The following ARPP21 variants were observed in gnomAD, a reference collection of about 807,000 sequenced individuals.
ARPP21 encodes the protein cAMP regulated phosphoprotein 21, also known as cAMP-regulated phosphoprotein 21.
Under a neutral mutation model 113.2 loss-of-function variants are expected in ARPP21, and 69 were observed. That is an observed-to-expected ratio of 0.61 (90% CI 0.50 to 0.74). The LOEUF is 0.74. Among genes scored for constraint, ARPP21 ranks in the 30% least tolerant of loss-of-function variants. ARPP21 has a pLI of 0.00. For synonymous variants in ARPP21, 368 were observed against 375.5 expected, an observed-to-expected ratio of 0.98 and a Z score of 0.23; for missense variants, 1,070 against 1,037.4, an observed-to-expected ratio of 1.03 and a Z score of -0.43.
chr3:35,792,520 C>G lies in ARPP21; in HGVS notation c.2276C>G (p.Ser759Cys). The change falls in exon 20 of 21, where the codon TCT becomes TGT. Residue 759 changes from serine (S) to cysteine (C), a missense_variant. Ser to Cys is a moderately radical substitution (Grantham distance 112). Transcript: ENST00000684406. Reference protein sequence around the residue: ...QSVMVSYPTMSSYQVPMTQGS... With the variant: ...QSVMVSYPTMCSYQVPMTQGS... Reference sequence around the variant, plus strand: ...GTGATGGTTTCCTACCCAACAATGTCTTCTTATCAGGTGCTCATAAGCAGC... The same window carrying G: ...GTGATGGTTTCCTACCCAACAATGTGTTCTTATCAGGTGCTCATAAGCAGC... 1 of 1,614,024 alleles carries G rather than the reference C, an allele frequency of 6.2e-7. No homozygotes were observed. The highest frequency in any genetic ancestry group is 8.5e-7 in the Non-Finnish European group (1 of 1,179,910).
chr3:35,729,159 A>C, intron 14 of ARPP21, 144 bp from the exon 15 acceptor site: 1 of 593,208 alleles, frequency 1.7e-6, no homozygotes. Flanking sequence ...AAAATATGAG[A>C]GGGGCATTAG....
chr3:35,727,331 T>A (rs1315210340), intron 14 of ARPP21, among the ~76,000 whole-genome samples: 1 of 152,232 alleles, frequency 6.6e-6, no homozygotes, highest in Non-Finnish European at 1.5e-5. Flanking sequence ...TCTAGCTATA[T>A]CTAGCTGACC....
chr3:35,645,826 A>G (rs1371295291), intron 1 of ARPP21, among the ~76,000 whole-genome samples: 2 of 152,006 alleles, frequency 1.3e-5, no homozygotes, highest in South Asian at 2.1e-4. Flanking sequence ...CTAAGATACA[A>G]TACTCATTCA....
intron 19 of ARPP21, among the ~76,000 whole-genome samples, chr3:35,778,344 T>A (rs1041120321): frequency 6.6e-6 from 1 of 151,924 alleles, no homozygotes; most frequent in Admixed American, 6.6e-5. Flanking sequence ...TCCACCTGGG[T>A]TTTGCTAATG....
intron 19 of ARPP21, among the ~76,000 whole-genome samples, chr3:35,783,386 T>C (rs1434124355): frequency 6.6e-6 from 1 of 152,150 alleles, no homozygotes. Flanking sequence ...TTCCACTTCC[T>C]TACCCAAACT....
intron 19 of ARPP21, among the ~76,000 whole-genome samples, chr3:35,761,934 G>A (rs1229481381): frequency 2.0e-5 from 3 of 152,054 alleles, no homozygotes; most frequent in African/African-American, 7.2e-5. Context: ...ACACAGACTG[G>A]CATCATTCCA....
intron 11 of ARPP21, among the ~76,000 whole-genome samples, chr3:35,714,609 C>T (rs1299223456): frequency 1.3e-5 from 2 of 152,068 alleles, no homozygotes; most frequent in Admixed American, 1.3e-4. Flanking sequence ...TACAGTCACC[C>T]TATTATAGGA....
intron 9 of ARPP21, among the ~76,000 whole-genome samples, chr3:35,702,333 C>T (rs1229639918): frequency 6.6e-6 from 1 of 151,604 alleles, no homozygotes; most frequent in Non-Finnish European, 1.5e-5. Context: ...CACTATTTTG[C>T]TGTTGTGAAT....
At chr3:35,695,655 A>T (rs966887701) in intron 9 of ARPP21, among the ~76,000 whole-genome samples, 1 of 151,552 alleles carries the variant, frequency 6.6e-6, no homozygotes, top group African/African-American at 2.4e-5. Flanking sequence ...CATGGTTCAA[A>T]TAGGCATTTA....
intron 9 of ARPP21, among the ~76,000 whole-genome samples, chr3:35,693,360 C>G (rs2082823348): frequency 6.6e-6 from 1 of 151,680 alleles, no homozygotes; most frequent in African/African-American, 2.4e-5. Flanking sequence ...TCTATTCTAA[C>G]TACACTTCTG....
intron 19 of ARPP21, among the ~76,000 whole-genome samples, chr3:35,756,744 T>C (rs1443484346): frequency 2.0e-5 from 3 of 152,084 alleles, no homozygotes; most frequent in African/African-American, 7.2e-5. Flanking sequence ...TCCAGCACAA[T>C]TGCACCCTTT....
At chr3:35,684,077 A>G in intron 5 of ARPP21, 1 of 1,588,936 alleles carries the variant, frequency 6.3e-7, no homozygotes, top group Non-Finnish European at 8.6e-7. Flanking sequence ...TAAAAGTTAA[A>G]TAAAAAGTAG....
At chr3:35,786,730 G>A (rs1330839610) in intron 19 of ARPP21, among the ~76,000 whole-genome samples, 1 of 151,960 alleles carries the variant, frequency 6.6e-6, no homozygotes, top group African/African-American at 2.4e-5. Flanking sequence ...GGCTATAAAG[G>A]CCAGTAAAAT....
At chr3:35,758,829 A>G (rs2095661747) in intron 19 of ARPP21, among the ~76,000 whole-genome samples, 1 of 151,938 alleles carries the variant, frequency 6.6e-6, no homozygotes, top group African/African-American at 2.4e-5. Flanking sequence ...TATTTAAGTA[A>G]AGCAGAGAAA....
At chr3:35,716,183 G>C (rs1319494852) in intron 12 of ARPP21, among the ~76,000 whole-genome samples, 2 of 151,982 alleles carry the variant, frequency 1.3e-5, no homozygotes, top group African/African-American at 4.8e-5. Flanking sequence ...TTTAATTGCG[G>C]ATACTCAGGG....
intron 9 of ARPP21, among the ~76,000 whole-genome samples, chr3:35,693,261 G>A (rs1402881511): frequency 6.6e-6 from 1 of 151,484 alleles, no homozygotes; most frequent in Non-Finnish European, 1.5e-5. Flanking sequence ...AATAAAAAAG[G>A]CAAATGACTG....
intron 1 of ARPP21, among the ~76,000 whole-genome samples, chr3:35,659,711 A>G (rs1350176201): frequency 4.6e-5 from 7 of 152,174 alleles, no homozygotes. Flanking sequence ...GTTGAATCTC[A>G]TTTTGTTGGT....
intron 19 of ARPP21, among the ~76,000 whole-genome samples, chr3:35,760,854 TA>T (rs903940264): frequency 4.6e-5 from 7 of 151,892 alleles, no homozygotes; most frequent in Middle Eastern, 3.4e-3. Flanking sequence ...AATGGGCTTA[TA>T]AAAAAAATGC....
intron 1 of ARPP21, among the ~76,000 whole-genome samples, chr3:35,659,499 C>T (rs796227997): frequency 9.9e-5 from 15 of 152,208 alleles, no homozygotes; most frequent in African/African-American, 2.6e-4. Flanking sequence ...GACATCTTGG[C>T]GGGTCCTAGA....
Sources: allele counts gnomAD v4.1 joint callset (sites outside exome capture counted in the v4.1 genomes callset), GRCh38; gene constraint gnomAD v4.1.1; transcripts MANE v1.5; gene names NCBI Gene and HGNC (gene_info 2026-07-23, HGNC 2026-07-21).